The following EEF2KMT variants were observed in gnomAD, a reference collection of about 807,000 sequenced individuals.
EEF2KMT encodes the protein eukaryotic elongation factor 2 lysine methyltransferase.
EEF2KMT carries 30 observed loss-of-function variants against 35.1 expected under a neutral mutation model. That is an observed-to-expected ratio of 0.85 (90% CI 0.64 to 1.16). The LOEUF is 1.16. EEF2KMT is among the 50% of genes most tolerant of loss of function. EEF2KMT has a pLI of 0.00. For synonymous variants in EEF2KMT, 190 were observed against 187.7 expected, an observed-to-expected ratio of 1.01 and a Z score of -0.10; for missense variants, 499 against 438.2, an observed-to-expected ratio of 1.14 and a Z score of -1.24.
rs752633027 is a variant in EEF2KMT, at chr16:5,084,932, C to T, written c.*700G>A. 1.3e-6 allele frequency: 2 copies of T among 1,596,270 alleles called. No homozygotes were observed. Among genetic ancestry groups the T allele is most frequent in the Non-Finnish European group, 1.7e-6 (2 of 1,179,666 alleles). ...AGGACCCCTGCTGTCCTTCCCGCAG[C>T]TTCTTCTTGGAGTCTCAGGGCAAAC... On this transcript the variant is annotated 3_prime_UTR_variant, in exon 8 of 8. Coordinates refer to ENST00000427587, the MANE Select transcript of EEF2KMT (RefSeq NM_201400.4).
chr16:5,093,890 G>A (rs1179376546), intron 2 of EEF2KMT, among the ~76,000 whole-genome samples: 2 of 152,168 alleles, frequency 1.3e-5, no homozygotes, highest in East Asian at 1.9e-4. Flanking sequence ...AGTCGCCAAC[G>A]GTCTGGCTCT....
chr16:5,089,388 C>A, intron 6 of EEF2KMT, 132 bp from the exon 7 acceptor site: 2 of 1,260,102 alleles, frequency 1.6e-6, no homozygotes, highest in Non-Finnish European at 2.2e-6. Flanking sequence ...CCATTTGGGC[C>A]ATTAGATGGA....
At chr16:5,093,969 AG>A (rs1398885093) in intron 2 of EEF2KMT, among the ~76,000 whole-genome samples, 1 of 152,160 alleles carries the variant, frequency 6.6e-6, no homozygotes, top group Non-Finnish European at 1.5e-5. Flanking sequence ...GACAGGATGG[AG>A]GGGACGGGAC....
In EEF2KMT at chr16:5,093,601, C is replaced by A. The variant is rs761059360; in HGVS notation, c.160-37G>T. On this transcript the variant is annotated intron_variant, in intron 2 of 7. Transcript: ENST00000427587. ...GACAGAACGTTGGTTGCTCGAGAGCCCGTCTTAAGTCTCCTATGAGCTTCA... is the reference window on the plus strand; with the variant it reads ...GACAGAACGTTGGTTGCTCGAGAGCACGTCTTAAGTCTCCTATGAGCTTCA... 3.7e-6 allele frequency: 6 copies of A among 1,611,448 alleles called. No individual in the cohort carries two copies. In the East Asian group the frequency reaches 1.3e-4, roughly 36 times the overall value.
chr16:5,097,472 G>A, intron 1 of EEF2KMT, 172 bp downstream of exon 1: 2 of 1,413,104 alleles, frequency 1.4e-6, no homozygotes, highest in Middle Eastern at 2.6e-4. Flanking sequence ...GGAGGGGTGC[G>A]AGCGACTCTG....
At position 5,090,019 on chromosome 16, in the gene EEF2KMT, G is replaced by T. The variant is rs371876481; in HGVS notation, c.742+65C>A. 6.3e-7 allele frequency: 1 copy of T among 1,593,730 alleles called. No individual in the cohort carries two copies. ...CAGCGTCCATTGTTCCCTTTTCCCA[G>T]AGCCAAGAGCTGGGTAGAGCTGCAA... On this transcript the variant is annotated intron_variant, in intron 6 of 7. Transcript: ENST00000427587. The surrounding 1 kb of genome is among the most constrained non-coding windows in gnomAD (Gnocchi z 4.1).
intron 2 of EEF2KMT, 79 bp from the exon 3 acceptor site, chr16:5,093,643 G>A: frequency 1.9e-6 from 3 of 1,602,102 alleles, no homozygotes; most frequent in Non-Finnish European, 2.6e-6. Flanking sequence ...CACAGCAGAG[G>A]GCAAACTCCA....
chr16:5,088,756 G>A (rs1207840262), intron 7 of EEF2KMT, among the ~76,000 whole-genome samples: 5 of 152,062 alleles, frequency 3.3e-5, no homozygotes, highest in South Asian at 4.1e-4. Flanking sequence ...GTGCTCCAGC[G>A]TCCTGCAGGC....
Position 5,093,553 on chromosome 16 carries a change from A to C in EEF2KMT, c.171T>G (p.His57Gln), listed in dbSNP as rs760755342. The change falls in exon 3 of 8, where the codon CAT (histidine) becomes CAG (glutamine). Residue 57 changes from histidine (H) to glutamine (Q), a missense_variant. His to Gln is a conservative substitution (Grantham distance 24). Transcript: ENST00000427587. ...ACGGCGGGTGCTTCACACACACAGGATGCTTCACAGTCTACGGCAAAGGAC... is the reference window on the plus strand; with the variant it reads ...ACGGCGGGTGCTTCACACACACAGGCTGCTTCACAGTCTACGGCAAAGGAC... ...LRDILHKTVK[H>Q]PVCVKHPPSV... is the part of the protein sequence containing the mutation. The C allele has an allele frequency of 9.0e-5, 145 of 1,611,856 alleles. No homozygotes were observed. The highest frequency in any genetic ancestry group is 1.2e-4 in the Non-Finnish European group (144 of 1,179,832).
intron 1 of EEF2KMT, among the ~76,000 whole-genome samples, chr16:5,096,499 C>A (rs1446873142): frequency 6.6e-6 from 1 of 152,198 alleles, no homozygotes; most frequent in Non-Finnish European, 1.5e-5. Flanking sequence ...TACCATGAGC[C>A]AGGCACTGAT....
intron 1 of EEF2KMT, among the ~76,000 whole-genome samples, chr16:5,096,932 A>G (rs1212048604): frequency 6.6e-6 from 1 of 152,260 alleles, no homozygotes; most frequent in East Asian, 1.9e-4. Flanking sequence ...CAATGGAATA[A>G]CGCAAATGAT....
rs1220492760 is a variant in EEF2KMT at position 5,090,075 on chromosome 16, G to C, written c.742+9C>G. The C allele has an allele frequency of 1.2e-6, 2 of 1,602,590 alleles. No homozygotes were observed. The highest frequency in any genetic ancestry group is 1.7e-6 in the Non-Finnish European group (2 of 1,179,808). ...CCACCTGCACAGGGTGCCCGGGGCTGGGCATTACCTGCTGCAATGACAACA... is the reference window on the plus strand; with the variant it reads ...CCACCTGCACAGGGTGCCCGGGGCTCGGCATTACCTGCTGCAATGACAACA... On this transcript the variant is annotated intron_variant, in intron 6 of 7. Transcript: ENST00000427587. This position sits in a 1 kb window ranked among gnomAD's most constrained non-coding sequence, Gnocchi z 4.1.
Position 5,085,626 on chromosome 16 carries a change from T to A in EEF2KMT, c.*6A>T. On this transcript the variant is annotated 3_prime_UTR_variant, in exon 8 of 8. Coordinates refer to ENST00000427587, the MANE Select transcript of EEF2KMT (RefSeq NM_201400.4). The stretch of plus-strand genomic sequence containing the variant: ...CTCACAATCCCGTTGGAGTCGTGTG[T>A]GAGTCCTACAGGGTGAGATTCAGCA... 1 of 1,584,774 alleles carries A rather than the reference T, an allele frequency of 6.3e-7. No individual in the cohort carries two copies.
rs745483556 is a variant in EEF2KMT, at chr16:5,095,404, A to G, written c.159+48T>C. 21 of 1,610,070 alleles carry G rather than the reference A, an allele frequency of 1.3e-5. No homozygotes were observed. The Admixed American group carries it at 3.5e-4, about 27-fold the overall frequency. ...AGTTCTTCTCTCAGGTCTTCTGGAG[A>G]GATTCAGGAGGCAGGGTCATGAGTC... On this transcript the variant is annotated intron_variant, in intron 2 of 7. Transcript: ENST00000427587.
At chr16:5,092,393 C>CCG (rs1332681602) in intron 3 of EEF2KMT, among the ~76,000 whole-genome samples, 2 of 152,230 alleles carry the variant, frequency 1.3e-5, no homozygotes, top group African/African-American at 4.8e-5. Flanking sequence ...TGTCAGCAGG[C>CCG]CGCTTCTCCA....
intron 4 of EEF2KMT, among the ~76,000 whole-genome samples, chr16:5,091,290 C>T (rs531672587): frequency 6.6e-6 from 1 of 152,350 alleles, no homozygotes; most frequent in South Asian, 2.1e-4. Context: ...CCATGTTGGC[C>T]AGGCTGGTCT....
intron 7 of EEF2KMT, among the ~76,000 whole-genome samples, chr16:5,088,872 CAGT>C (rs1242405952): frequency 6.6e-6 from 1 of 152,138 alleles, no homozygotes; most frequent in Non-Finnish European, 1.5e-5. Context: ...CTGAAGCACA[CAGT>C]AGGGCTGCTG....
intron 1 of EEF2KMT, among the ~76,000 whole-genome samples, chr16:5,096,682 ACT>A (rs1182199484): frequency 6.6e-6 from 1 of 152,192 alleles, no homozygotes; most frequent in Non-Finnish European, 1.5e-5. Flanking sequence ...CTGGGTCTGA[ACT>A]CTCAACTACT....
In EEF2KMT at chr16:5,084,791, C is replaced by T. The variant is rs139088852; in HGVS notation, c.*841G>A. 4 of 1,596,454 alleles carry T rather than the reference C, an allele frequency of 2.5e-6. No individual in the cohort carries two copies. Among genetic ancestry groups the T allele is most frequent in the Non-Finnish European group, 3.4e-6 (4 of 1,179,772 alleles). On this transcript the variant is annotated 3_prime_UTR_variant, in exon 8 of 8. Transcript: ENST00000427587. ...TTCCTGATCCTGCGGGCAAGCTAAA[C>T]CAGTTCCGGAAGAACCTGCGGGAGT... is the stretch of plus-strand genomic sequence containing the variant.
Sources: allele counts gnomAD v4.1 joint callset (sites outside exome capture counted in the v4.1 genomes callset), GRCh38; gene constraint gnomAD v4.1.1; non-coding constraint Gnocchi (gnomAD v3.1); transcripts MANE v1.5; gene names NCBI Gene and HGNC (gene_info 2026-07-23, HGNC 2026-07-21).